The following FBXO11 variants were observed in gnomAD, a reference collection of about 807,000 sequenced individuals.
The protein encoded by FBXO11 is F-box protein 11.
FBXO11 carries 13 observed loss-of-function variants against 117.0 expected under a neutral mutation model. The ratio of observed to expected loss-of-function variants is 0.11; its 90% confidence interval spans 0.07 to 0.18. The LOEUF is 0.18. Among genes scored for constraint, FBXO11 ranks in the 10% least tolerant of loss-of-function variants. FBXO11 has a pLI of 1.00. For synonymous variants in FBXO11, 490 were observed against 380.5 expected (o/e 1.29, Z -3.35); for missense variants, 767 against 1,164.4 (o/e 0.66, Z 4.97).
At chr2:47,815,283 G>A (rs1310042851) in intron 16 of FBXO11, among the ~76,000 whole-genome samples, 6 of 152,312 alleles carry the variant, frequency 3.9e-5, no homozygotes, top group South Asian at 4.1e-4. Context: ...CAGCAAAGCC[G>A]CTCTGTACAA....
intron 1 of FBXO11, among the ~76,000 whole-genome samples, chr2:47,847,219 T>G (rs1239154953): frequency 6.6e-6 from 1 of 152,180 alleles, no homozygotes; most frequent in Non-Finnish European, 1.5e-5. Context: ...CACTCCAGCC[T>G]GAGTGACAGA....
intron 1 of FBXO11, among the ~76,000 whole-genome samples, chr2:47,874,545 A>C (rs899713575): frequency 5.3e-5 from 8 of 152,052 alleles, no homozygotes; most frequent in African/African-American, 1.4e-4. Flanking sequence ...AAAAAAAAAA[A>C]CAATTTTGAG....
At chr2:47,820,194 A>C (rs1041173849) in intron 14 of FBXO11, among the ~76,000 whole-genome samples, 168 bp downstream of exon 14, 1 of 152,212 alleles carries the variant, frequency 6.6e-6, no homozygotes, top group African/African-American at 2.4e-5. Flanking sequence ...GAAATCATTA[A>C]GATACTGGCA....
intron 1 of FBXO11, among the ~76,000 whole-genome samples, chr2:47,899,131 G>A (rs925665410): frequency 1.6e-4 from 25 of 151,976 alleles, no homozygotes; most frequent in African/African-American, 4.3e-4. Context: ...AAAATTAGCC[G>A]GGCGTGGTGG....
intron 13 of FBXO11, among the ~76,000 whole-genome samples, chr2:47,821,559 G>A (rs950225210): frequency 2.0e-5 from 3 of 151,508 alleles, no homozygotes; most frequent in South Asian, 2.1e-4. Flanking sequence ...GCAGTGAGCC[G>A]AGATTGCGCC....
rs980550076 is a variant in FBXO11 at position 47,808,988 on chromosome 2, C to G, written c.2555+170G>C. 43 of 511,260 alleles carry G rather than the reference C, an allele frequency of 8.4e-5. No individual in the cohort carries two copies. The Admixed American group carries it at 1.4e-3, about 16-fold the overall frequency. The allele number at this position is 511,260 out of a possible 1,614,324, so 31.7% of individuals were successfully genotyped here. On this transcript the variant is annotated intron_variant, in intron 21 of 22. Coordinates refer to ENST00000403359, the MANE Select transcript of FBXO11 (RefSeq NM_001190274.2). ...CTAGGATTACAGGCATAAGCCACCACGCCTACCCACAGTTACAGTCTTAAA... is the reference window on the plus strand; with the variant it reads ...CTAGGATTACAGGCATAAGCCACCAGGCCTACCCACAGTTACAGTCTTAAA...
At position 47,904,441 on chromosome 2, in the gene FBXO11, A is replaced by G. The variant is rs528105457; in HGVS notation, c.232+1048T>C. Among the ~76,000 whole-genome samples, 13 of 152,290 alleles carry G rather than the reference A, an allele frequency of 8.5e-5. No homozygotes were observed. In the South Asian group the frequency reaches 2.1e-3, roughly 24 times the overall value. Reference sequence around the variant, plus strand: ...CATCATCCAAGTAGAACTGAACATTATTTTTGCTAAAGCAGGATTTCAACC... The same window carrying G: ...CATCATCCAAGTAGAACTGAACATTGTTTTTGCTAAAGCAGGATTTCAACC... On this transcript the variant is annotated intron_variant, in intron 1 of 22. Transcript: ENST00000403359.
At position 47,863,063 on chromosome 2, in the gene FBXO11, A is replaced by AAC. The variant is rs1674907528; in HGVS notation, c.233-23295_233-23294insGT. ...AGCGTAAAACTGTGTCTCAAAAAAA[A>AAC]AAAAAAAACAAAAAAACAAAAACAA... On this transcript the variant is annotated intron_variant, in intron 1 of 22. Transcript: ENST00000403359. 1.4e-4 allele frequency among the ~76,000 whole-genome samples: 19 copies of AAC among 136,610 alleles called. No homozygotes were observed. In the South Asian group the frequency reaches 4.0e-3, roughly 29 times the overall value. 89.6% of individuals were successfully genotyped at this position (136,610 alleles called of 152,430 possible).
intron 11 of FBXO11, among the ~76,000 whole-genome samples, chr2:47,829,104 A>G (rs1364795554): frequency 1.3e-5 from 2 of 152,088 alleles, no homozygotes; most frequent in African/African-American, 2.4e-5. Flanking sequence ...AGTGTTGGCC[A>G]GGCTGGTCTT....
At chr2:47,812,476 C>T (rs1280089112) in intron 18 of FBXO11, among the ~76,000 whole-genome samples, 1 of 152,142 alleles carries the variant, frequency 6.6e-6, no homozygotes, top group African/African-American at 2.4e-5. Context: ...TGTGTCTTCA[C>T]TATATTTTGT....
At chr2:47,874,527 C>T (rs1220787725) in intron 1 of FBXO11, among the ~76,000 whole-genome samples, 2 of 151,448 alleles carry the variant, frequency 1.3e-5, no homozygotes, top group African/African-American at 4.9e-5. Flanking sequence ...AAACACCGTA[C>T]AAAATTTAAA....
rs573347661 is a variant in FBXO11 at position 47,866,337 on chromosome 2, C to T, written c.233-26568G>A. 2.2e-4 allele frequency among the ~76,000 whole-genome samples: 33 copies of T among 151,638 alleles called. No homozygotes were observed. The South Asian group carries it at 3.8e-3, about 17-fold the overall frequency. On this transcript the variant is annotated intron_variant, in intron 1 of 22. Transcript: ENST00000403359. The stretch of plus-strand genomic sequence containing the variant: ...GGAAAGCAGGTAATTCAAATACACT[C>T]TATCTCATCTTTTATAACATACAAC...
chr2:47,821,475 T>C (rs894669485), intron 13 of FBXO11, among the ~76,000 whole-genome samples: 6 of 152,040 alleles, frequency 3.9e-5, no homozygotes, highest in South Asian at 2.1e-4. Context: ...CCGGGCGTGG[T>C]GGCGGGCGCC....
intron 1 of FBXO11, among the ~76,000 whole-genome samples, chr2:47,865,165 G>C (rs1262082676): frequency 1.3e-5 from 2 of 152,208 alleles, no homozygotes; most frequent in Non-Finnish European, 2.9e-5. Context: ...AGCAGAACCT[G>C]ATTGTATCTT....
Position 47,807,623 on chromosome 2 carries a change from G to A in FBXO11, c.*495C>T. Reference sequence around the variant, plus strand: ...GCTTGAAATTAAAAACAAACTACATGAGATTAAAGCATTAAAATCATATTT... The same window carrying A: ...GCTTGAAATTAAAAACAAACTACATAAGATTAAAGCATTAAAATCATATTT... On this transcript the variant is annotated 3_prime_UTR_variant, in exon 23 of 23. Coordinates refer to ENST00000403359, the MANE Select transcript of FBXO11 (RefSeq NM_001190274.2). The A allele has an allele frequency of 4.5e-6, 1 of 220,742 alleles. No individual in the cohort carries two copies. The highest frequency in any genetic ancestry group is 9.1e-6 in the Non-Finnish European group (1 of 110,198). The allele number at this position is 220,742 out of a possible 1,614,324, so 13.7% of individuals were successfully genotyped here. A position where few individuals can be genotyped will look rare whatever the true frequency, so the allele number is the denominator to read the frequency against.
chr2:47,876,102 G>A (rs1675985135), intron 1 of FBXO11, among the ~76,000 whole-genome samples: 1 of 152,168 alleles, frequency 6.6e-6, no homozygotes, highest in South Asian at 2.1e-4. Flanking sequence ...TAAGAAATAA[G>A]CTAGTCTTTC....
In FBXO11 at chr2:47,871,395, T is replaced by C. The variant is rs560462385; in HGVS notation, c.233-31626A>G. Among the ~76,000 whole-genome samples, 3 of 152,314 alleles carry C rather than the reference T, an allele frequency of 2.0e-5. No homozygotes were observed. The East Asian group carries it at 5.8e-4, about 29-fold the overall frequency. On this transcript the variant is annotated intron_variant, in intron 1 of 22. Transcript: ENST00000403359. ...CCCCAGTCAAGACTTCAAATGACTA[T>C]AGCCCTGGCCGACAGTTTGAGTGCA...
chr2:47,834,018 T>C (rs1162451476), intron 7 of FBXO11, among the ~76,000 whole-genome samples: 1 of 152,154 alleles, frequency 6.6e-6, no homozygotes, highest in Admixed American at 6.5e-5. Context: ...CTTCGTTTAA[T>C]GAATAACTCA....
rs748985717 is a variant in FBXO11, at chr2:47,834,728, G to T, written c.802-17C>A. The T allele has an allele frequency of 3.9e-5, 63 of 1,606,282 alleles. No individual in the cohort carries two copies. The South Asian group carries it at 6.9e-4, about 18-fold the overall frequency. Reference sequence around the variant, plus strand: ...ATCATAATACTAGAAAAAAATAAATGTGTCAGTACAGAACTGAAAGATTAC... The same window carrying T: ...ATCATAATACTAGAAAAAAATAAATTTGTCAGTACAGAACTGAAAGATTAC... On this transcript the variant is annotated splice_polypyrimidine_tract_variant and intron_variant, in intron 6 of 22. Transcript: ENST00000403359.
Sources: gnomAD v4.1 joint callset for allele counts (sites outside exome capture counted in the v4.1 genomes callset) on GRCh38, gnomAD v4.1.1 for gene constraint, MANE v1.5 for transcripts, NCBI Gene and HGNC (gene_info 2026-07-23, HGNC 2026-07-21) for gene names.